The following CACNA2D3 variants were observed in gnomAD, a reference collection of about 807,000 sequenced individuals.
The protein encoded by CACNA2D3 is calcium voltage-gated channel auxiliary subunit alpha2delta 3.
Under a neutral mutation model 160.6 loss-of-function variants are expected in CACNA2D3, and 60 were observed. That is an observed-to-expected ratio of 0.37 (90% confidence interval 0.30 to 0.46). The LOEUF (loss-of-function observed/expected upper bound fraction) is 0.46. CACNA2D3 is among the 20% of genes least tolerant of loss of function. CACNA2D3 has a pLI of 1.00. For synonymous variants in CACNA2D3, 558 were observed against 492.9 expected, an observed-to-expected ratio of 1.13 and a Z score of -1.75; for missense variants, 1,205 against 1,365.0, an observed-to-expected ratio of 0.88 and a Z score of 1.85.
At chr3:54,440,202 A>C (rs1376133362) in intron 4 of CACNA2D3, among the ~76,000 whole-genome samples, 1 of 152,150 alleles carries the variant, frequency 6.6e-6, no homozygotes, top group Non-Finnish European at 1.5e-5. Flanking sequence ...GGTTATACCT[A>C]CCTTAAAGGA....
intron 2 of CACNA2D3, among the ~76,000 whole-genome samples, chr3:54,224,679 C>T (rs1316603719): frequency 2.0e-5 from 3 of 152,244 alleles, no homozygotes; most frequent in East Asian, 3.9e-4. Context: ...TCTTGTCTTT[C>T]GTGTTGTCAT....
intron 2 of CACNA2D3, among the ~76,000 whole-genome samples, chr3:54,215,364 C>T (rs963395837): frequency 6.6e-6 from 1 of 152,168 alleles, no homozygotes; most frequent in Non-Finnish European, 1.5e-5. Flanking sequence ...TCTACTGTTA[C>T]AGCGTTTTTA....
chr3:54,140,865 G>A (rs1265961722), intron 2 of CACNA2D3, among the ~76,000 whole-genome samples: 2 of 152,174 alleles, frequency 1.3e-5, no homozygotes, highest in Non-Finnish European at 1.5e-5. Flanking sequence ...AAATGAATGA[G>A]TGAGTGTGGA....
At chr3:54,990,115 G>A (rs1199319804) in intron 31 of CACNA2D3, among the ~76,000 whole-genome samples, 1 of 152,210 alleles carries the variant, frequency 6.6e-6, no homozygotes. Flanking sequence ...CTCTGGTGCT[G>A]TGGTTAGCCC....
chr3:54,891,327 C>T (rs1292739619), intron 24 of CACNA2D3, 28 bp from the exon 25 acceptor site: 1 of 1,539,314 alleles, frequency 6.5e-7, no homozygotes, highest in African/African-American at 1.4e-5. Context: ...CTAGAGGCCT[C>T]CCCCTGACGT....
intron 4 of CACNA2D3, among the ~76,000 whole-genome samples, chr3:54,474,221 A>G (rs945318417): frequency 2.0e-5 from 3 of 152,222 alleles, no homozygotes; most frequent in African/African-American, 4.8e-5. Flanking sequence ...TGCAGCCATT[A>G]AAAAGGATGA....
intron 11 of CACNA2D3, among the ~76,000 whole-genome samples, chr3:54,709,635 C>G (rs571394234): frequency 6.6e-6 from 1 of 152,254 alleles, no homozygotes; most frequent in South Asian, 2.1e-4. Context: ...CTTTTAAAAT[C>G]CATCACTTGC....
At chr3:54,565,570 A>G (rs1214776420) in intron 6 of CACNA2D3, among the ~76,000 whole-genome samples, 2 of 152,268 alleles carry the variant, frequency 1.3e-5, no homozygotes, top group East Asian at 3.9e-4. Context: ...AATATCACTA[A>G]TGTCACTGGC....
At chr3:54,347,159 G>A (rs375019362) in intron 3 of CACNA2D3, among the ~76,000 whole-genome samples, 18 of 152,256 alleles carry the variant, frequency 1.2e-4, no homozygotes, top group Middle Eastern at 3.4e-3. Context: ...GCAAGGGCCC[G>A]GTTGGCACCT....
intron 9 of CACNA2D3, among the ~76,000 whole-genome samples, chr3:54,589,354 G>T (rs890275141): frequency 6.6e-6 from 1 of 151,858 alleles, no homozygotes; most frequent in Non-Finnish European, 1.5e-5. Context: ...AATTAACCTT[G>T]ACTCAAACCT....
chr3:54,765,186 C>G (rs185716004), intron 13 of CACNA2D3, among the ~76,000 whole-genome samples: 1 of 152,220 alleles, frequency 6.6e-6, no homozygotes, highest in East Asian at 1.9e-4. Flanking sequence ...TCTCCCTGGG[C>G]TCTCTCATTC....
intron 2 of CACNA2D3, among the ~76,000 whole-genome samples, chr3:54,300,188 A>G (rs973074955): frequency 3.3e-5 from 5 of 152,200 alleles, no homozygotes; most frequent in African/African-American, 7.2e-5. Flanking sequence ...CTGTGCTTCA[A>G]TTGAGTTCCA....
chr3:54,645,424 G>T (rs1336043453), intron 11 of CACNA2D3, among the ~76,000 whole-genome samples: 1 of 152,160 alleles, frequency 6.6e-6, no homozygotes. Context: ...CTCATAATAG[G>T]TTACACCTGG....
intron 16 of CACNA2D3, among the ~76,000 whole-genome samples, chr3:54,840,746 G>T (rs1177808207): frequency 7.7e-6 from 1 of 129,232 alleles, no homozygotes; most frequent in Non-Finnish European, 1.6e-5. Flanking sequence ...TTTTGAGACG[G>T]AGTCTCGCTC....
chr3:54,733,058 C>T (rs4083342), intron 11 of CACNA2D3, among the ~76,000 whole-genome samples: 33,580 of 152,152 alleles, frequency 0.22, 3,927 homozygotes, highest in Admixed American at 0.29. Context: ...TCTGTCCTAG[C>T]GAGAAGTCAT....
At chr3:54,730,076 A>G (rs1410485522) in intron 11 of CACNA2D3, among the ~76,000 whole-genome samples, 1 of 152,080 alleles carries the variant, frequency 6.6e-6, no homozygotes, top group Non-Finnish European at 1.5e-5. Context: ...TCTTTTACCA[A>G]ATATGTATTG....
chr3:54,855,876 C>G (rs1489866541), intron 17 of CACNA2D3, among the ~76,000 whole-genome samples: 1 of 152,172 alleles, frequency 6.6e-6, no homozygotes, highest in Non-Finnish European at 1.5e-5. Context: ...GACCCCTGCT[C>G]TCAAGGAGCT....
intron 29 of CACNA2D3, among the ~76,000 whole-genome samples, chr3:54,979,159 A>G (rs1702453754): frequency 6.6e-6 from 1 of 152,164 alleles, no homozygotes; most frequent in African/African-American, 2.4e-5. Flanking sequence ...TGAGGTCCCA[A>G]AATAACTTGG....
At chr3:54,124,606 G>C (rs891436836) in intron 2 of CACNA2D3, among the ~76,000 whole-genome samples, 1 of 152,186 alleles carries the variant, frequency 6.6e-6, no homozygotes, top group Admixed American at 6.5e-5. Context: ...AACCAAGTAC[G>C]TATTTTATTT....
Sources: allele counts gnomAD v4.1 joint callset (sites outside exome capture counted in the v4.1 genomes callset), GRCh38; gene constraint gnomAD v4.1.1; transcripts MANE v1.5; gene names NCBI Gene and HGNC (gene_info 2026-07-23, HGNC 2026-07-21).